The following SAXO1 variants were observed in gnomAD, a reference collection of about 807,000 sequenced individuals.
SAXO1 encodes stabilizer of axonemal microtubules 1, also known as 4930500O09Rik.
A neutral mutation model predicts 17.5 loss-of-function variants in SAXO1; 21 were observed. That is an observed-to-expected ratio of 1.20 (90% CI 0.85 to 1.72). SAXO1 has a LOEUF of 1.72. Among genes scored for constraint, SAXO1 ranks in the 40% most tolerant of loss-of-function variants. The probability of loss-of-function intolerance (pLI) is 0.00; values close to 1 mark genes in which losing one functional copy is unlikely to be tolerated. For synonymous variants in SAXO1, 274 were observed against 216.5 expected (o/e 1.27, Z -2.33); for missense variants, 843 against 596.0 (o/e 1.41, Z -4.32).
chr9:19,008,402 T>G (rs562803070), intron 1 of SAXO1, among the ~76,000 whole-genome samples: 5 of 152,314 alleles, frequency 3.3e-5, no homozygotes, highest in African/African-American at 1.2e-4. Flanking sequence ...TTGTTATTTT[T>G]AAAGATCCAA....
chr9:18,992,706 G>A, intron 1 of SAXO1, among the ~76,000 whole-genome samples: 1 of 152,086 alleles, frequency 6.6e-6, no homozygotes, highest in Admixed American at 6.6e-5. Flanking sequence ...TTGGCACATT[G>A]GAAGAAGAAA....
intron 1 of SAXO1, among the ~76,000 whole-genome samples, chr9:18,954,733 T>C (rs1365876452): frequency 6.6e-6 from 1 of 152,162 alleles, no homozygotes; most frequent in Admixed American, 6.5e-5. Context: ...AAGTTCCGAA[T>C]GATGTACATG....
chr9:18,941,553 G>T, intron 3 of SAXO1, 84 bp downstream of exon 3: 1 of 1,498,684 alleles, frequency 6.7e-7, no homozygotes, highest in Non-Finnish European at 9.2e-7. Context: ...TGCACTAACT[G>T]AGTATGCACA....
chr9:18,944,016 G>C (rs565018706), intron 2 of SAXO1, among the ~76,000 whole-genome samples: 1 of 152,196 alleles, frequency 6.6e-6, no homozygotes, highest in Non-Finnish European at 1.5e-5. Context: ...CATCTCCCAC[G>C]GCTTCTACCG....
chr9:18,985,452 A>G (rs769247691), intron 1 of SAXO1, among the ~76,000 whole-genome samples: 7 of 152,240 alleles, frequency 4.6e-5, no homozygotes, highest in Non-Finnish European at 1.0e-4. Context: ...AGCACAGTAG[A>G]ACAAGGTATG....
chr9:19,016,411 G>T (rs1834976973), intron 1 of SAXO1, among the ~76,000 whole-genome samples: 1 of 152,094 alleles, frequency 6.6e-6, no homozygotes, highest in African/African-American at 2.4e-5. Context: ...ACTCCAGCAT[G>T]GGCGACAGAG....
At chr9:19,021,267 T>C (rs898443730) in intron 1 of SAXO1, among the ~76,000 whole-genome samples, 1 of 152,070 alleles carries the variant, frequency 6.6e-6, no homozygotes, top group Non-Finnish European at 1.5e-5. Flanking sequence ...AGGGCTGGGG[T>C]AGCCACAGAC....
At chr9:18,981,094 A>G (rs1438683025) in intron 1 of SAXO1, among the ~76,000 whole-genome samples, 6 of 152,208 alleles carry the variant, frequency 3.9e-5, no homozygotes, top group Non-Finnish European at 5.9e-5. Flanking sequence ...AAGTCTTTCC[A>G]AGGAAACTCT....
chr9:19,016,170 T>C (rs993022928), intron 1 of SAXO1, among the ~76,000 whole-genome samples: 18 of 152,148 alleles, frequency 1.2e-4, no homozygotes, highest in African/African-American at 4.3e-4. Flanking sequence ...GCATGGTGGC[T>C]CATGCCTGTA....
intron 1 of SAXO1, among the ~76,000 whole-genome samples, chr9:18,979,879 G>A (rs920242501): frequency 6.6e-6 from 1 of 152,102 alleles, no homozygotes; most frequent in Non-Finnish European, 1.5e-5. Flanking sequence ...AGAAACCAAT[G>A]GCAGTTGTCT....
intron 1 of SAXO1, among the ~76,000 whole-genome samples, chr9:19,031,114 G>A (rs1835748362): frequency 1.3e-5 from 2 of 152,222 alleles, no homozygotes; most frequent in Admixed American, 1.3e-4. Flanking sequence ...AGGGGCAGGA[G>A]GGAGACTTCT....
intron 1 of SAXO1, among the ~76,000 whole-genome samples, chr9:19,046,884 A>AT (rs955003871): frequency 5.3e-5 from 8 of 151,956 alleles, no homozygotes; most frequent in African/African-American, 1.7e-4. Context: ...AATTTAAAAA[A>AT]TTTTTTTAAA....
upstream of SAXO1, among the ~76,000 whole-genome samples, chr9:19,037,568 T>G (rs893845277): frequency 6.6e-6 from 1 of 152,204 alleles, no homozygotes; most frequent in African/African-American, 2.4e-5. Context: ...TTTCTCTTGC[T>G]GCTGCCATGT....
At chr9:18,941,913 T>A in intron 2 of SAXO1, 74 bp from the exon 3 acceptor site, 5 of 1,397,586 alleles carry the variant, frequency 3.6e-6, no homozygotes, top group Non-Finnish European at 5.1e-6. Context: ...TCAACCCAAC[T>A]CTACAAACAT....
chr9:19,045,565 T>C (rs567407599), intron 1 of SAXO1, among the ~76,000 whole-genome samples: 9 of 152,288 alleles, frequency 5.9e-5, no homozygotes, highest in Admixed American at 1.3e-4. Flanking sequence ...AACCTAGCTT[T>C]CTTCTCCCAC....
chr9:18,952,893 A>C (rs1832090894), intron 1 of SAXO1, among the ~76,000 whole-genome samples: 1 of 152,200 alleles, frequency 6.6e-6, no homozygotes, highest in Non-Finnish European at 1.5e-5. Context: ...ATATCTCCTA[A>C]TTGTTGGCAA....
In SAXO1 at chr9:18,928,852, T is replaced by C. The variant is rs1305988676; in HGVS notation, c.625A>G (p.Met209Val). 14 of 1,614,036 alleles carry C rather than the reference T, an allele frequency of 8.7e-6. No individual in the cohort carries two copies. The South Asian group carries it at 1.1e-4, about 13-fold the overall frequency. ...IPLEDVTNYK[M>V]SYVAHPVEKR... Reference sequence around the variant, plus strand: ...TCCACGGGGTGGGCCACATAGCTCATCTTGTAGTTAGTCACATCCTCCAAG... The same window carrying C: ...TCCACGGGGTGGGCCACATAGCTCACCTTGTAGTTAGTCACATCCTCCAAG... The change falls in exon 4 of 4, where the codon ATG (methionine) becomes GTG (valine). Residue 209 changes from methionine (M) to valine (V), a missense_variant. Met to Val is a conservative substitution (Grantham distance 21, BLOSUM62 1). Coordinates refer to ENST00000380534, the MANE Select transcript of SAXO1 (RefSeq NM_153707.4).
chr9:18,953,902 C>A (rs1284651413), intron 1 of SAXO1, among the ~76,000 whole-genome samples: 1 of 152,180 alleles, frequency 6.6e-6, no homozygotes, highest in Non-Finnish European at 1.5e-5. Context: ...AGACAGATTT[C>A]TCAACGTTTA....
At chr9:18,940,276 G>A (rs1831498119) in intron 3 of SAXO1, among the ~76,000 whole-genome samples, 1 of 152,186 alleles carries the variant, frequency 6.6e-6, no homozygotes, top group South Asian at 2.1e-4. Context: ...CCATTTCAGG[G>A]TATGATAACA....
Sources: gnomAD v4.1 joint callset for allele counts (sites outside exome capture counted in the v4.1 genomes callset) on GRCh38, gnomAD v4.1.1 for gene constraint, MANE v1.5 for transcripts, NCBI Gene and HGNC (gene_info 2026-07-23, HGNC 2026-07-21) for gene names.